HIP1: variants seen among roughly 807,000 people sequenced by gnomAD.
The protein encoded by HIP1 is huntingtin-interacting protein 1.
HIP1 carries 65 observed loss-of-function variants against 147.6 expected under a neutral mutation model. The observed-to-expected ratio is 0.44, with a 90% CI of 0.36 to 0.54. The LOEUF (loss-of-function observed/expected upper bound fraction) is 0.54, where lower values mean the gene tolerates loss of function less well. Among genes scored for constraint, HIP1 ranks in the 20% least tolerant of loss-of-function variants. HIP1 has a pLI of 0.00. For synonymous variants in HIP1, 479 were observed against 504.0 expected, an observed-to-expected ratio of 0.95 and a Z score of 0.67; for missense variants, 1,061 against 1,299.6, an observed-to-expected ratio of 0.82 and a Z score of 2.82.
Position 75,554,117 on chromosome 7 carries a change from G to A in HIP1, c.2154C>T (p.Ala718=), listed in dbSNP as rs782403156. Residue 718 remains alanine, a synonymous_variant, in exon 21 of 31, where the codon GCC becomes GCT. Transcript: ENST00000336926. ...TTCLRAPPEP[A]DSLTEACKQY... is the part of the protein sequence containing the mutation. ...CCCTCATGCCCCGGTACTCACAGTC[G>A]GCAGGCTCAGGTGGGGCTCTGAGGC... The A allele has an allele frequency of 1.9e-5, 31 of 1,612,542 alleles. No homozygotes were observed. Among genetic ancestry groups the A allele is most frequent in the Non-Finnish European group, 2.3e-5 (27 of 1,178,910 alleles).
intron 28 of HIP1, among the ~76,000 whole-genome samples, chr7:75,542,488 G>C (rs1201301319): frequency 2.6e-5 from 4 of 151,048 alleles, no homozygotes; most frequent in South Asian, 2.1e-4. Context: ...CACCTGAGGT[G>C]AGGAGTTCGA....
intron 9 of HIP1, among the ~76,000 whole-genome samples, chr7:75,564,761 A>T (rs1327055741): frequency 2.6e-5 from 4 of 151,836 alleles, no homozygotes; most frequent in African/African-American, 9.7e-5. Flanking sequence ...CACCTGGCTA[A>T]TTTTTTGTGT....
intron 9 of HIP1, among the ~76,000 whole-genome samples, chr7:75,565,622 G>C (rs900154794): frequency 6.6e-6 from 1 of 152,084 alleles, no homozygotes; most frequent in African/African-American, 2.4e-5. Context: ...AAAAACAAGA[G>C]AGTGCACTTT....
chr7:75,662,262 C>T (rs2117216024), intron 1 of HIP1, among the ~76,000 whole-genome samples: 1 of 152,208 alleles, frequency 6.6e-6, no homozygotes, highest in Non-Finnish European at 1.5e-5. Context: ...CAGCACATGG[C>T]AGCCTGGAAC....
rs237238 is a variant in HIP1 at position 75,582,098 on chromosome 7, A to G, written c.519T>C (p.Ala173=). The part of the protein sequence containing the change: ...LQMSDRQLDE[A]GESDVNNFFQ... ...ACAAGTTGTTCACGTCACTTTCTCCAGCCTCGTCCAGCTGGCGGTCACTCA... is the reference window on the plus strand; with the variant it reads ...ACAAGTTGTTCACGTCACTTTCTCCGGCCTCGTCCAGCTGGCGGTCACTCA... Residue 173 remains alanine, a synonymous_variant, in exon 6 of 31, where the codon GCT becomes GCC. Transcript: ENST00000336926. 0.075 allele frequency: 120,357 copies of G among 1,613,564 alleles called. 5,018 individuals carry two copies. Among genetic ancestry groups the G allele is most frequent in the South Asian group, 0.15 (13,881 of 91,018 alleles).
chr7:75,591,181 C>T (rs782544603), intron 4 of HIP1, among the ~76,000 whole-genome samples: 7 of 151,990 alleles, frequency 4.6e-5, no homozygotes, highest in Non-Finnish European at 8.8e-5. Flanking sequence ...TACAGGCACA[C>T]GCCACCACAC....
intron 1 of HIP1, among the ~76,000 whole-genome samples, chr7:75,670,914 G>A (rs1187674004): frequency 4.0e-5 from 6 of 149,810 alleles, no homozygotes; most frequent in Non-Finnish European, 8.9e-5. Context: ...GAGCCACCGC[G>A]CCCGGTCTCA....
intron 1 of HIP1, among the ~76,000 whole-genome samples, chr7:75,632,899 C>T (rs1269079739): frequency 6.6e-6 from 1 of 152,124 alleles, no homozygotes; most frequent in African/African-American, 2.4e-5. Flanking sequence ...AGCAAAATGA[C>T]ACAGGAACAG....
In HIP1 at chr7:75,592,388, C is replaced by T. The variant is rs374151055; in HGVS notation, c.311G>A (p.Arg104Gln). ...KFCHVFHKLLRDGHPNVLKDS... is the reference protein window; with the variant it reads ...KFCHVFHKLLQDGHPNVLKDS... ...GGAACTCACGTTCGGGTGTCCATCT[C>T]GGAGGAGTTTGTGGAACACATGGCA... Residue 104 changes from arginine to glutamine, a missense_variant, in exon 3 of 31, where the codon CGA becomes CAA. Physicochemically the swap from Arg to Gln is conservative, Grantham distance 43 (BLOSUM62 1). This residue lies in a region of HIP1 where 225 missense variants were observed against 292.9 expected (regional missense o/e 0.77). Transcript: ENST00000336926. 7.0e-5 allele frequency: 113 copies of T among 1,608,524 alleles called. 1 individual carries two copies. Among genetic ancestry groups the T allele is most frequent in the East Asian group, 8.9e-5 (4 of 44,872 alleles).
At chr7:75,685,275 T>C (rs976311493) in intron 1 of HIP1, among the ~76,000 whole-genome samples, 26 of 152,092 alleles carry the variant, frequency 1.7e-4, no homozygotes, top group African/African-American at 5.5e-4. Flanking sequence ...AAGCCAAACT[T>C]CTATTTCCAA....
chr7:75,558,744 C>T lies in HIP1; in HGVS notation c.1376-489G>A, dbSNP rs587656638. Among the ~76,000 whole-genome samples, 12 of 152,148 alleles carry T rather than the reference C, an allele frequency of 7.9e-5. No homozygotes were observed. The East Asian group carries it at 2.1e-3, about 27-fold the overall frequency. On this transcript the variant is annotated intron_variant, in intron 14 of 30. Coordinates refer to ENST00000336926, the MANE Select transcript of HIP1 (RefSeq NM_005338.7). ...GTTAAAAATCAAGCCAGGGGCCAAG[C>T]GAGGTGGCTCATGCCTATAATCCCA...
In HIP1 at chr7:75,712,125, C is replaced by T. The variant is rs531376579; in HGVS notation, c.120+26676G>A. ...TTAAAACATTGACACCTCACCGTCG[C>T]TCGGCTCCCTGCAGCCCCACAGAAA... On this transcript the variant is annotated intron_variant, in intron 1 of 30. Coordinates refer to ENST00000336926, the MANE Select transcript of HIP1 (RefSeq NM_005338.7). Among the ~76,000 whole-genome samples, 331 of 152,280 alleles carry T rather than the reference C, an allele frequency of 2.2e-3. 3 individuals carry two copies. The highest frequency in any genetic ancestry group is 7.5e-3 in the African/African-American group (310 of 41,564).
chr7:75,582,947 T>C (rs1554498879), intron 5 of HIP1, among the ~76,000 whole-genome samples: 1 of 152,098 alleles, frequency 6.6e-6, no homozygotes, highest in Admixed American at 6.6e-5. Context: ...GATTACAACC[T>C]CTGACCTCAA....
At chr7:75,680,845 G>A (rs1265096844) in intron 1 of HIP1, among the ~76,000 whole-genome samples, 2 of 150,212 alleles carry the variant, frequency 1.3e-5, no homozygotes, top group Non-Finnish European at 3.0e-5. Context: ...ACACGAATTC[G>A]GCTCACTGCA....
chr7:75,715,410 A>G (rs1721906732), intron 1 of HIP1, among the ~76,000 whole-genome samples: 2 of 150,724 alleles, frequency 1.3e-5, no homozygotes, highest in South Asian at 4.2e-4. Flanking sequence ...GAAAAGAAGG[A>G]AGGAAGGAAA....
Position 75,534,197 on chromosome 7 carries a change from G to T in HIP1, c.*3975C>A, listed in dbSNP as rs1333216137. ...TGTACCTGTGATTCCCGTGTTACCTGGTGGCATAAACCTTGGTGTCTGACT... is the reference window on the plus strand; with the variant it reads ...TGTACCTGTGATTCCCGTGTTACCTTGTGGCATAAACCTTGGTGTCTGACT... On this transcript the variant is annotated 3_prime_UTR_variant, in exon 31 of 31. Coordinates refer to ENST00000336926, the MANE Select transcript of HIP1 (RefSeq NM_005338.7). 2 of 227,154 alleles carry T rather than the reference G, an allele frequency of 8.8e-6. No homozygotes were observed. The highest frequency in any genetic ancestry group is 4.4e-5 in the African/African-American group (2 of 44,990). The allele number at this position is 227,154 out of a possible 1,614,324, so 14.1% of individuals were successfully genotyped here.
intron 2 of HIP1, among the ~76,000 whole-genome samples, chr7:75,595,187 C>CCTTTCTTTCTTTCTTTCTTTCTTTCTTT (rs587760351): frequency 2.5e-4 from 27 of 108,476 alleles, no homozygotes; most frequent in East Asian, 1.1e-3. Context: ...GTGTAGGAGT[C>CCTTTCTTTCTTTCTTTCTTTCTTTCTTT]CTTTCTTTCT....
chr7:75,616,731 C>T (rs1175645440), intron 1 of HIP1, among the ~76,000 whole-genome samples: 1 of 152,174 alleles, frequency 6.6e-6, no homozygotes, highest in African/African-American at 2.4e-5. Flanking sequence ...CTAGGCAGGG[C>T]AGCCTATGAG....
chr7:75,630,692 C>T (rs1021822916), intron 1 of HIP1, among the ~76,000 whole-genome samples: 4 of 152,050 alleles, frequency 2.6e-5, no homozygotes, highest in Non-Finnish European at 5.9e-5. Context: ...CCTTAAGTTG[C>T]CGGCTGGTTA....
Sources: allele counts gnomAD v4.1 joint callset (sites outside exome capture counted in the v4.1 genomes callset), GRCh38; gene constraint gnomAD v4.1.1; regional missense constraint gnomAD v4.1.1; transcripts MANE v1.5; gene names NCBI Gene and HGNC (gene_info 2026-07-23, HGNC 2026-07-21).